PAK3: variants seen among roughly 807,000 people sequenced by gnomAD.
The protein encoded by PAK3 is serine/threonine-protein kinase PAK 3.
In PAK3, 4 loss-of-function variants were observed where a neutral mutation model predicts 41.0. The ratio of observed to expected loss-of-function variants is 0.10; its 90% CI spans 0.05 to 0.22. The LOEUF (loss-of-function observed/expected upper bound fraction) is 0.22, where lower values mean the gene tolerates loss of function less well. Ranked by LOEUF, PAK3 falls within the 10% of genes least tolerant of loss-of-function variation. The pLI is 1.00. For missense variants in PAK3, 205 were observed against 409.9 expected (o/e 0.50, Z 4.32); for synonymous variants, 146 against 139.6 (o/e 1.05, Z -0.32).
At chrX:111,012,970 G>T (rs963071720) in intron 1 of PAK3, among the ~76,000 whole-genome samples, 5 of 111,597 alleles carry the variant, frequency 4.5e-5, no homozygotes, top group African/African-American at 1.6e-4. Flanking sequence ...TTTTTAAAAA[G>T]ATGTGGTCTC....
At chrX:111,211,366 G>C in intron 16 of PAK3, among the ~76,000 whole-genome samples, 1 of 111,158 alleles carries the variant, frequency 9.0e-6, no homozygotes. Context: ...AATAAATGGA[G>C]AAAAATGCAC....
intron 7 of PAK3, among the ~76,000 whole-genome samples, chrX:111,151,648 A>G (rs2094028546): frequency 8.9e-6 from 1 of 112,268 alleles, no homozygotes; most frequent in Admixed American, 9.5e-5. Flanking sequence ...AACCTTATGT[A>G]TATCATGTTT....
chrX:111,134,260 A>G (rs929713584), intron 5 of PAK3, among the ~76,000 whole-genome samples: 1 of 112,076 alleles, frequency 8.9e-6, no homozygotes, highest in African/African-American at 3.2e-5. Flanking sequence ...CTGAATGAAT[A>G]GAGTCATCCC....
chrX:110,954,251 C>T (rs2090805460), intron 1 of PAK3, among the ~76,000 whole-genome samples: 1 of 112,432 alleles, frequency 8.9e-6, no homozygotes, highest in Admixed American at 9.4e-5. Flanking sequence ...CTAAGGCAAA[C>T]TTTCAGAGAC....
intron 11 of PAK3, among the ~76,000 whole-genome samples, chrX:111,187,957 A>G (rs2149302430): frequency 9.4e-6 from 1 of 106,037 alleles, no homozygotes; most frequent in South Asian, 4.3e-4. Flanking sequence ...ATGCATATAT[A>G]TATATATATA....
chrX:110,975,607 T>A (rs1246638444), intron 1 of PAK3, among the ~76,000 whole-genome samples: 1 of 111,869 alleles, frequency 8.9e-6, no homozygotes, highest in East Asian at 2.8e-4. Flanking sequence ...TGGAAAAAAC[T>A]ACTTTAAAGT....
At chrX:111,081,795 G>A (rs2092836914) in intron 1 of PAK3, among the ~76,000 whole-genome samples, 1 of 110,780 alleles carries the variant, frequency 9.0e-6, no homozygotes, top group African/African-American at 3.3e-5. Context: ...TAGACATTTA[G>A]CAATGTTTTT....
At chrX:110,969,094 A>ATTTTTGTT (rs2091143163) in intron 1 of PAK3, among the ~76,000 whole-genome samples, 1 of 40,618 alleles carries the variant, frequency 2.5e-5, no homozygotes, top group Non-Finnish European at 4.0e-5. Flanking sequence ...GACCTGCCTA[A>ATTTTTGTT]TTTTTTTTTT....
At chrX:110,961,686 C>G (rs1239181887) in intron 1 of PAK3, among the ~76,000 whole-genome samples, 2 of 112,041 alleles carry the variant, frequency 1.8e-5, no homozygotes, top group African/African-American at 6.5e-5. Context: ...GTCTCTTCTT[C>G]CCTTCACAGC....
At chrX:111,032,345 T>A (rs921051455) in intron 1 of PAK3, among the ~76,000 whole-genome samples, 2 of 111,965 alleles carry the variant, frequency 1.8e-5, no homozygotes, top group African/African-American at 6.5e-5. Context: ...TATAGTTTTT[T>A]AAAAAAAGGA....
chrX:110,948,627 T>C (rs1255498760), intron 1 of PAK3, among the ~76,000 whole-genome samples: 1 of 111,896 alleles, frequency 8.9e-6, no homozygotes, highest in Non-Finnish European at 1.9e-5. Context: ...ATGGAGTTCT[T>C]GAGACTTAAT....
At chrX:111,029,118 A>T (rs189518092) in intron 1 of PAK3, among the ~76,000 whole-genome samples, 24 of 112,023 alleles carry the variant, frequency 2.1e-4, no homozygotes, top group Admixed American at 7.6e-4. Flanking sequence ...GCCTGGTAAC[A>T]GAGCAAGACC....
chrX:111,017,033 A>G (rs191641945), intron 1 of PAK3, among the ~76,000 whole-genome samples: 114 of 111,519 alleles, frequency 1.0e-3, no homozygotes, highest in African/African-American at 3.5e-3. Context: ...GAGATGAATG[A>G]AAATGAAAAT....
chrX:111,193,556 G>C (rs1298625579), intron 13 of PAK3, among the ~76,000 whole-genome samples: 1 of 108,723 alleles, frequency 9.2e-6, no homozygotes, highest in Non-Finnish European at 1.9e-5. Context: ...CGCCATGTTG[G>C]CCAGGCTGGT....
chrX:111,051,499 A>G (rs2092557871), intron 1 of PAK3, among the ~76,000 whole-genome samples: 1 of 111,778 alleles, frequency 8.9e-6, no homozygotes, highest in East Asian at 2.8e-4. Context: ...GCTTTCCTCT[A>G]GACCTGGTCT....
At chrX:111,090,453 G>T (rs2092921239) in intron 1 of PAK3, among the ~76,000 whole-genome samples, 2 of 111,733 alleles carry the variant, frequency 1.8e-5, no homozygotes, top group African/African-American at 6.5e-5. Context: ...GACATAAATT[G>T]TCTGAGAGGA....
intron 1 of PAK3, among the ~76,000 whole-genome samples, chrX:111,022,603 T>C (rs950681702): frequency 9.0e-6 from 1 of 111,170 alleles, no homozygotes; most frequent in Admixed American, 9.6e-5. Flanking sequence ...ACAGGACCTA[T>C]GTAACAATAA....
chrX:111,175,689 T>C (rs973502735), intron 11 of PAK3, among the ~76,000 whole-genome samples: 6 of 111,711 alleles, frequency 5.4e-5, no homozygotes, highest in Non-Finnish European at 1.1e-4. Context: ...AAGTACAAGA[T>C]GGTTTCAGAT....
At chrX:110,969,832 A>G (rs1178311051) in intron 1 of PAK3, among the ~76,000 whole-genome samples, 1 of 112,090 alleles carries the variant, frequency 8.9e-6, no homozygotes, top group South Asian at 3.8e-4. Context: ...GTCTTTCCAA[A>G]TATATTACAG....
Sources: allele counts gnomAD v4.1 joint callset (sites outside exome capture counted in the v4.1 genomes callset), GRCh38; gene constraint gnomAD v4.1.1; transcripts MANE v1.5; gene names NCBI Gene and HGNC (gene_info 2026-07-23, HGNC 2026-07-21).